The following CATSPERT variants were observed in gnomAD, a reference collection of about 807,000 sequenced individuals.
The protein encoded by CATSPERT is catsper channel auxiliary subunit tau, also known as cation channel sperm-associated targeting subunit tau.
chr2:201,562,187 CTTTTT>C, the CATSPERT span, among the ~76,000 whole-genome samples: 1 of 121,274 alleles, frequency 8.2e-6, no homozygotes, highest in Non-Finnish European at 1.7e-5. Flanking sequence ...TCTAATAATT[CTTTTT>C]TTTTTTTTTT....
chr2:201,606,772 A>G, the CATSPERT span, among the ~76,000 whole-genome samples: 2 of 152,122 alleles, frequency 1.3e-5, no homozygotes, highest in African/African-American at 4.8e-5. Context: ...GGTGGTGCAC[A>G]CCTGTAATTC....
the CATSPERT span, among the ~76,000 whole-genome samples, chr2:201,520,686 G>A: frequency 6.6e-6 from 1 of 152,050 alleles, no homozygotes; most frequent in African/African-American, 2.4e-5. Flanking sequence ...TCAGCAGTTT[G>A]AGACTAGCCT....
At chr2:201,575,719 C>G in the CATSPERT span, among the ~76,000 whole-genome samples, 1 of 152,166 alleles carries the variant, frequency 6.6e-6, no homozygotes, top group Admixed American at 6.5e-5. Context: ...GGAAACCAAG[C>G]TCAGGGCTCC....
the CATSPERT span, among the ~76,000 whole-genome samples, chr2:201,515,391 C>T: frequency 5.3e-4 from 80 of 151,482 alleles, no homozygotes; most frequent in African/African-American, 1.9e-3. Context: ...TGTACCACCA[C>T]GCCTGGCTAA....
At chr2:201,614,893 A>T in the CATSPERT span, among the ~76,000 whole-genome samples, 1 of 152,212 alleles carries the variant, frequency 6.6e-6, no homozygotes, top group Non-Finnish European at 1.5e-5. Flanking sequence ...AAACAAGAAA[A>T]AGCAGGGGTT....
At chr2:201,511,540 C>T in the CATSPERT span, among the ~76,000 whole-genome samples, 1 of 152,052 alleles carries the variant, frequency 6.6e-6, no homozygotes, top group Non-Finnish European at 1.5e-5. Flanking sequence ...CCAAACGCTA[C>T]CTTTCATTGC....
chr2:201,500,374 C>A, the CATSPERT span, among the ~76,000 whole-genome samples: 13 of 151,972 alleles, frequency 8.6e-5, no homozygotes, highest in Admixed American at 2.0e-4. Context: ...ATTAGCCGGG[C>A]ATGGTGGCAC....
At chr2:201,569,267 ACT>A in the CATSPERT span, among the ~76,000 whole-genome samples, 2 of 151,992 alleles carry the variant, frequency 1.3e-5, no homozygotes, top group East Asian at 1.9e-4. Flanking sequence ...AGAGGCCATG[ACT>A]CTGTTTTTAT....
At chr2:201,572,274 A>G in the CATSPERT span, among the ~76,000 whole-genome samples, 1 of 152,176 alleles carries the variant, frequency 6.6e-6, no homozygotes, top group Non-Finnish European at 1.5e-5. Context: ...CCTATACGGT[A>G]AGTAACTAAG....
At chr2:201,608,080 G>A in the CATSPERT span, among the ~76,000 whole-genome samples, 3 of 152,196 alleles carry the variant, frequency 2.0e-5, no homozygotes, top group South Asian at 2.1e-4. Context: ...CCTTCTATAA[G>A]CATTTATTAG....
the CATSPERT span, among the ~76,000 whole-genome samples, chr2:201,513,845 G>A: frequency 6.6e-6 from 1 of 152,074 alleles, no homozygotes; most frequent in Non-Finnish European, 1.5e-5. Context: ...CAGTTTTAAA[G>A]GATTCAAATC....
At chr2:201,535,711 A>G in the CATSPERT span, 2 of 1,279,066 alleles carry the variant, frequency 1.6e-6, no homozygotes, top group Non-Finnish European at 2.0e-6. Flanking sequence ...GGAATATTTA[A>G]TATACTTAGA....
chr2:201,595,094 C>T, the CATSPERT span, among the ~76,000 whole-genome samples: 1 of 152,030 alleles, frequency 6.6e-6, no homozygotes, highest in Non-Finnish European at 1.5e-5. Flanking sequence ...CTGCTTTTTC[C>T]CCATCTTTGT....
At chr2:201,562,916 T>C in the CATSPERT span, among the ~76,000 whole-genome samples, 1 of 149,006 alleles carries the variant, frequency 6.7e-6, no homozygotes, top group Non-Finnish European at 1.5e-5. Context: ...TGTCTACTTC[T>C]TTCTACACAG....
the CATSPERT span, among the ~76,000 whole-genome samples, chr2:201,590,455 T>C: frequency 1.3e-5 from 2 of 152,218 alleles, no homozygotes; most frequent in East Asian, 3.9e-4. Context: ...TATGTGTGCA[T>C]GTGTCTTTAT....
chr2:201,573,061 A>G, the CATSPERT span, among the ~76,000 whole-genome samples: 1 of 152,240 alleles, frequency 6.6e-6, no homozygotes, highest in Non-Finnish European at 1.5e-5. Flanking sequence ...TTTGAATACC[A>G]CAAAACTGGT....
the CATSPERT span, among the ~76,000 whole-genome samples, chr2:201,603,062 T>C: frequency 6.6e-6 from 1 of 152,188 alleles, no homozygotes; most frequent in African/African-American, 2.4e-5. Context: ...AGCTTTTATA[T>C]CATGAAGCAG....
the CATSPERT span, among the ~76,000 whole-genome samples, chr2:201,513,148 A>G: frequency 5.9e-5 from 9 of 151,982 alleles, no homozygotes; most frequent in Admixed American, 2.0e-4. Context: ...GAGTAAACAG[A>G]CAACCTACGG....
the CATSPERT span, among the ~76,000 whole-genome samples, chr2:201,505,837 T>C: frequency 6.6e-6 from 1 of 152,198 alleles, no homozygotes; most frequent in African/African-American, 2.4e-5. Flanking sequence ...TGTACTATGG[T>C]AATGTAAGAT....
Sources: gnomAD v4.1 joint callset for allele counts (sites outside exome capture counted in the v4.1 genomes callset) on GRCh38, gnomAD v4.1.1 for gene constraint, MANE v1.5 for transcripts, NCBI Gene and HGNC (gene_info 2026-07-23, HGNC 2026-07-21) for gene names.